The following DPYD variants were observed in gnomAD, a reference collection of about 807,000 sequenced individuals.
DPYD encodes the protein dihydropyrimidine dehydrogenase.
DPYD carries 109 observed loss-of-function variants against 116.2 expected under a neutral mutation model. The observed-to-expected ratio is 0.94, with a 90% CI of 0.80 to 1.10. DPYD has a LOEUF of 1.10. Ranked by LOEUF, DPYD falls within the 50% of genes least tolerant of loss-of-function variation. The pLI is 0.00. For missense variants in DPYD, 1,302 were observed against 1,254.5 expected (o/e 1.04, Z -0.57); for synonymous variants, 440 against 432.0 (o/e 1.02, Z -0.23).
At chr1:97,101,504 AAAGC>A (rs945793539) in intron 20 of DPYD, among the ~76,000 whole-genome samples, 36 of 150,338 alleles carry the variant, frequency 2.4e-4, no homozygotes, top group African/African-American at 7.8e-4. Flanking sequence ...GAAGAAGGAT[AAAGC>A]AAGCAAGCAA....
At chr1:97,376,587 AG>A (rs1232450867) in intron 15 of DPYD, among the ~76,000 whole-genome samples, 1 of 152,140 alleles carries the variant, frequency 6.6e-6, no homozygotes, top group Non-Finnish European at 1.5e-5. Context: ...CCACCTTAAA[AG>A]GCAGTTAATT....
intron 18 of DPYD, among the ~76,000 whole-genome samples, chr1:97,254,990 TGTG>T (rs1181174492): frequency 6.6e-5 from 10 of 152,144 alleles, no homozygotes; most frequent in Non-Finnish European, 1.2e-4. Flanking sequence ...GCTCTGTGGT[TGTG>T]GTAAACTGTT....
intron 8 of DPYD, among the ~76,000 whole-genome samples, chr1:97,629,453 G>C (rs1657122440): frequency 6.6e-6 from 1 of 152,016 alleles, no homozygotes; most frequent in East Asian, 1.9e-4. Context: ...GTGCATGAAG[G>C]GGGCATCATT....
At chr1:97,258,022 G>T (rs1028534242) in intron 18 of DPYD, among the ~76,000 whole-genome samples, 1 of 152,006 alleles carries the variant, frequency 6.6e-6, no homozygotes, top group Non-Finnish European at 1.5e-5. Context: ...TGCAGAGAAG[G>T]AATGGAGGGA....
At chr1:97,480,049 T>G (rs1273676050) in intron 13 of DPYD, among the ~76,000 whole-genome samples, 2 of 152,194 alleles carry the variant, frequency 1.3e-5, no homozygotes, top group Admixed American at 6.5e-5. Context: ...TCTTTCTGCC[T>G]GAAAAATATA....
chr1:97,102,417 A>ATATATATATATATATATATATG (rs1442061038), intron 20 of DPYD, among the ~76,000 whole-genome samples: 1 of 142,886 alleles, frequency 7.0e-6, no homozygotes, highest in Non-Finnish European at 1.5e-5. Flanking sequence ...ATATATATAT[A>ATATATATATATATATATATATG]TATGTATATA....
chr1:97,297,566 T>A, intron 18 of DPYD, among the ~76,000 whole-genome samples: 1 of 152,172 alleles, frequency 6.6e-6, no homozygotes, highest in East Asian at 1.9e-4. Context: ...GGACACTGCA[T>A]TGAAATAGCA....
intron 16 of DPYD, among the ~76,000 whole-genome samples, chr1:97,349,843 A>G (rs536741023): frequency 6.6e-6 from 1 of 151,730 alleles, no homozygotes; most frequent in East Asian, 1.9e-4. Flanking sequence ...ATGATTTATA[A>G]TCCTTTGGGT....
chr1:97,551,604 T>C (rs189793175), intron 11 of DPYD, among the ~76,000 whole-genome samples: 25 of 133,334 alleles, frequency 1.9e-4, no homozygotes, highest in African/African-American at 7.0e-4. Context: ...GATCAAAGCA[T>C]TTTTTTTTAC....
At chr1:97,306,383 G>A (rs1667172759) in intron 16 of DPYD, 86 bp from the exon 17 acceptor site, 6 of 1,566,708 alleles carry the variant, frequency 3.8e-6, no homozygotes, top group East Asian at 2.3e-5. Context: ...AGCTGGAGAC[G>A]TGCAAGACAA....
At chr1:97,146,341 G>A (rs2101707264) in intron 20 of DPYD, among the ~76,000 whole-genome samples, 1 of 152,204 alleles carries the variant, frequency 6.6e-6, no homozygotes, top group Non-Finnish European at 1.5e-5. Context: ...GAGAGTGAAG[G>A]GAAGATATTA....
At chr1:97,794,989 T>G (rs1383402051) in intron 3 of DPYD, among the ~76,000 whole-genome samples, 1 of 152,124 alleles carries the variant, frequency 6.6e-6, no homozygotes, top group Non-Finnish European at 1.5e-5. Flanking sequence ...TTTGTTCTAG[T>G]ATCTTTTTGT....
chr1:97,083,390 CT>C (rs1649300854), intron 21 of DPYD, among the ~76,000 whole-genome samples: 1 of 151,936 alleles, frequency 6.6e-6, no homozygotes, highest in Non-Finnish European at 1.5e-5. Context: ...ATTGCATTTT[CT>C]GCTATTTTTA....
chr1:97,903,850 T>C (rs537962047), intron 1 of DPYD, among the ~76,000 whole-genome samples: 1 of 151,960 alleles, frequency 6.6e-6, no homozygotes. Flanking sequence ...TCCAAAAATC[T>C]GACGGCTGAA....
chr1:97,265,854 T>C (rs909265763), intron 18 of DPYD, among the ~76,000 whole-genome samples: 1 of 152,180 alleles, frequency 6.6e-6, no homozygotes, highest in African/African-American at 2.4e-5. Context: ...TCTACTTAGA[T>C]GACTAAGTTT....
At chr1:97,188,520 G>T (rs1447230050) in intron 20 of DPYD, among the ~76,000 whole-genome samples, 3 of 152,230 alleles carry the variant, frequency 2.0e-5, no homozygotes, top group Non-Finnish European at 4.4e-5. Flanking sequence ...CAAAATGCTT[G>T]TAATGACCTG....
intron 12 of DPYD, among the ~76,000 whole-genome samples, chr1:97,535,879 A>G (rs757595945): frequency 1.3e-5 from 2 of 152,212 alleles, no homozygotes; most frequent in African/African-American, 2.4e-5. Flanking sequence ...AATTGTTAAT[A>G]GAAAAAGTGT....
At chr1:97,774,732 T>TC (rs1238743145) in intron 3 of DPYD, 1 of 188,350 alleles carries the variant, frequency 5.3e-6, no homozygotes, top group Non-Finnish European at 1.2e-5. Flanking sequence ...AAAAGTATCT[T>TC]CTGGAGAGCA....
At chr1:97,558,437 A>G (rs2102123977) in intron 11 of DPYD, among the ~76,000 whole-genome samples, 1 of 151,182 alleles carries the variant, frequency 6.6e-6, no homozygotes, top group Admixed American at 6.6e-5. Context: ...TCTTATTTTC[A>G]CAATTAGTCA....
Sources: allele counts gnomAD v4.1 joint callset (sites outside exome capture counted in the v4.1 genomes callset), GRCh38; gene constraint gnomAD v4.1.1; transcripts MANE v1.5; gene names NCBI Gene and HGNC (gene_info 2026-07-23, HGNC 2026-07-21).